Variants in TRIM61 observed in about 807,000 individuals in gnomAD.
TRIM61 encodes putative tripartite motif-containing protein 61.
In TRIM61, 1 loss-of-function variant was observed where a neutral mutation model predicts 14.2. That is an observed-to-expected ratio of 0.07 (90% CI 0.03 to 0.33). The LOEUF is 0.33. TRIM61 is among the 10% of genes least tolerant of loss of function. TRIM61 has a pLI of 0.99. For missense variants in TRIM61, 19 were observed against 202.2 expected, an observed-to-expected ratio of 0.09 and a Z score of 5.49; for synonymous variants, 8 against 71.6, an observed-to-expected ratio of 0.11 and a Z score of 4.49.
At chr4:164,960,129 T>C (rs1343911297) in intron 3 of TRIM61, among the ~76,000 whole-genome samples, 1 of 152,090 alleles carries the variant, frequency 6.6e-6, no homozygotes, top group African/African-American at 2.4e-5. Context: ...ATGCCAAAGA[T>C]TGGCAGCAAC....
intron 3 of TRIM61, chr4:164,957,321 G>A: frequency 6.2e-7 from 1 of 1,614,126 alleles, no homozygotes; most frequent in African/African-American, 1.3e-5. Context: ...AGGAATTTTA[G>A]TGGCAGCATT....
intron 2 of TRIM61, among the ~76,000 whole-genome samples, chr4:164,972,936 C>A (rs182729136): frequency 2.0e-5 from 3 of 152,156 alleles, no homozygotes; most frequent in Non-Finnish European, 4.4e-5. Context: ...CATTCAGAAC[C>A]CTTCGTATTT....
At chr4:164,973,410 A>G (rs1394563225) in intron 2 of TRIM61, among the ~76,000 whole-genome samples, 2 of 152,150 alleles carry the variant, frequency 1.3e-5, no homozygotes, top group Non-Finnish European at 2.9e-5. Context: ...ATCAACTTAG[A>G]TTTTTCATAT....
intron 3 of TRIM61, among the ~76,000 whole-genome samples, chr4:164,962,523 G>A (rs1732158926): frequency 6.6e-6 from 1 of 151,914 alleles, no homozygotes; most frequent in Admixed American, 6.6e-5. Context: ...GATTACAGGC[G>A]TGAGCCACTG....
intron 3 of TRIM61, 103 bp downstream of exon 3, chr4:164,968,162 GGAAAAAGAAAAGAAAA>G (rs1181641000): frequency 6.1e-6 from 6 of 984,074 alleles, no homozygotes; most frequent in Admixed American, 6.2e-5. Context: ...GGGGAGAAGA[GGAAAAAGAAAAGAAAA>G]GAAAAAGAAA....
At chr4:164,957,171 C>T (rs765879909) in intron 3 of TRIM61, 1 of 1,611,462 alleles carries the variant, frequency 6.2e-7, no homozygotes. Flanking sequence ...TATACGCTGA[C>T]CGGCGGCCGC....
intron 3 of TRIM61, among the ~76,000 whole-genome samples, chr4:164,963,386 C>T (rs1732174916): frequency 6.6e-6 from 1 of 152,168 alleles, no homozygotes; most frequent in Non-Finnish European, 1.5e-5. Flanking sequence ...TTTCAAGCTC[C>T]TATGGGACAC....
chr4:164,956,877 A>T (rs1310494127), intron 3 of TRIM61: 14 of 778,280 alleles, frequency 1.8e-5, no homozygotes, highest in South Asian at 1.1e-4. Flanking sequence ...TTCTCCCAGG[A>T]GGCTGGGCGA....
At chr4:164,974,449 C>T (rs1284816536) in intron 2 of TRIM61, among the ~76,000 whole-genome samples, 1 of 152,196 alleles carries the variant, frequency 6.6e-6, no homozygotes, top group African/African-American at 2.4e-5. Context: ...GATGCAGAAC[C>T]TGCATCCACT....
intron 3 of TRIM61, among the ~76,000 whole-genome samples, chr4:164,967,243 A>T (rs1732262312): frequency 6.6e-6 from 1 of 152,240 alleles, no homozygotes; most frequent in Non-Finnish European, 1.5e-5. Flanking sequence ...TTACATAAAA[A>T]TTCATTGAAT....
rs747308779 is a variant in TRIM61, at chr4:164,968,272, TATAAGA to T, written c.525+1200_525+1205del. On this transcript the variant is annotated intron_variant, in intron 3 of 4. Transcript: ENST00000329314. The stretch of plus-strand genomic sequence containing the variant: ...CTTAATCTTTCTTAAAGGAAAAGTA[TATAAGA>T]AATACAGAAAAAAATTACTGGGCTT... 7,598 of 925,326 alleles carry T rather than the reference TATAAGA, an allele frequency of 8.2e-3. 46 individuals carry two copies. Among genetic ancestry groups the T allele is most frequent in the Non-Finnish European group, 9.2e-3 (7,196 of 783,546 alleles). The allele number at this position is 925,326 out of a possible 1,614,324, so 57.3% of individuals were successfully genotyped here.
chr4:164,969,402 C>G, intron 3 of TRIM61: 1 of 1,591,294 alleles, frequency 6.3e-7, no homozygotes, highest in Admixed American at 1.8e-5. Context: ...TGCCTAAGAA[C>G]AGTCTCTTGC....
intron 3 of TRIM61, among the ~76,000 whole-genome samples, chr4:164,955,660 G>T (rs1305929207): frequency 6.6e-6 from 1 of 150,424 alleles, no homozygotes; most frequent in Non-Finnish European, 1.5e-5. Context: ...AATTGAGGTT[G>T]ATTTTCCTTG....
chr4:164,972,730 CG>C (rs946867388), intron 2 of TRIM61, among the ~76,000 whole-genome samples: 5 of 152,218 alleles, frequency 3.3e-5, no homozygotes, highest in African/African-American at 1.2e-4. Context: ...TCCAAGTGAT[CG>C]GCCCACCTTG....
intron 3 of TRIM61, chr4:164,957,563 C>T: frequency 6.7e-7 from 1 of 1,493,096 alleles, no homozygotes; most frequent in Non-Finnish European, 9.0e-7. Flanking sequence ...GTGTAAAATG[C>T]TTTAAATAAG....
chr4:164,956,917 A>T, intron 3 of TRIM61: 2 of 1,108,330 alleles, frequency 1.8e-6, no homozygotes, highest in Non-Finnish European at 2.5e-6. Flanking sequence ...GCGGCAGAGC[A>T]GTGATTGGGT....
chr4:164,961,164 A>AAAAAAAAAAAAAAAAAG (rs1732127159), intron 3 of TRIM61, among the ~76,000 whole-genome samples: 4 of 46,850 alleles, frequency 8.5e-5, no homozygotes, highest in Admixed American at 3.0e-4. Flanking sequence ...AAAAAAAAAA[A>AAAAAAAAAAAAAAAAAG]AAAAAAAAAA....
intron 3 of TRIM61, chr4:164,958,621 T>A (rs2111132355): frequency 6.0e-6 from 1 of 167,198 alleles, no homozygotes; most frequent in Non-Finnish European, 1.5e-5. Context: ...TGCCTACTCT[T>A]CAGAGATGTA....
At chr4:164,958,496 T>A (rs1269855298) in intron 3 of TRIM61, 1 of 167,006 alleles carries the variant, frequency 6.0e-6, no homozygotes, top group East Asian at 1.9e-4. Flanking sequence ...TTGAAAGCTA[T>A]TTTGTATTAT....
Sources: gnomAD v4.1 joint callset for allele counts (sites outside exome capture counted in the v4.1 genomes callset) on GRCh38, gnomAD v4.1.1 for gene constraint, MANE v1.5 for transcripts, NCBI Gene and HGNC (gene_info 2026-07-23, HGNC 2026-07-21) for gene names.